The following CFAP47 variants were observed in gnomAD, a reference collection of about 807,000 sequenced individuals.
The protein encoded by CFAP47 is cilia and flagella associated protein 47, also known as cilia- and flagella-associated protein 47.
A neutral mutation model predicts 148.1 loss-of-function variants in CFAP47; 29 were observed. The observed-to-expected ratio is 0.20, with a 90% CI of 0.15 to 0.27. The LOEUF (loss-of-function observed/expected upper bound fraction) is 0.27. Ranked by LOEUF, CFAP47 falls within the 10% of genes least tolerant of loss-of-function variation. CFAP47 has a pLI of 1.00. For missense variants in CFAP47, 1,872 were observed against 1,697.5 expected, an observed-to-expected ratio of 1.10 and a Z score of -1.81; for synonymous variants, 664 against 577.3, an observed-to-expected ratio of 1.15 and a Z score of -2.15.
intron 1 of CFAP47, 75 bp downstream of exon 1, chrX:35,920,123 G>A: frequency 1.9e-6 from 2 of 1,066,596 alleles, no homozygotes; most frequent in South Asian, 5.5e-5. Context: ...TTTGCCCCAG[G>A]GAGTAGTCAT....
At chrX:36,345,722 T>G (rs1224131580) in intron 57 of CFAP47, among the ~76,000 whole-genome samples, 2 of 112,126 alleles carry the variant, frequency 1.8e-5, no homozygotes, top group Non-Finnish European at 3.8e-5. Context: ...TTATGCTGGT[T>G]TTCTGAGAAT....
intron 58 of CFAP47, among the ~76,000 whole-genome samples, chrX:36,349,814 A>T (rs1242037416): frequency 9.0e-6 from 1 of 111,355 alleles, no homozygotes; most frequent in Non-Finnish European, 1.9e-5. Context: ...ATATTTCATG[A>T]TGGTTTCATT....
intron 29 of CFAP47, among the ~76,000 whole-genome samples, chrX:36,079,086 C>G (rs966893695): frequency 1.8e-5 from 2 of 111,603 alleles, no homozygotes; most frequent in African/African-American, 6.5e-5. Context: ...GTAACCCGAC[C>G]TTTCTCTCTG....
At chrX:35,931,917 T>C (rs1601882457) in intron 2 of CFAP47, among the ~76,000 whole-genome samples, 1 of 111,194 alleles carries the variant, frequency 9.0e-6, no homozygotes, top group Non-Finnish European at 1.9e-5. Context: ...TGAGGAAAAA[T>C]ATAGCTGATT....
At chrX:36,054,060 A>G (rs1269204701) in intron 26 of CFAP47, among the ~76,000 whole-genome samples, 4 of 112,222 alleles carry the variant, frequency 3.6e-5, no homozygotes, top group Non-Finnish European at 7.5e-5. Flanking sequence ...GGAAATTCCA[A>G]TGTCTTGTCC....
At position 35,955,977 on chromosome X, in the gene CFAP47, A is replaced by C. The variant is rs1936239296; in HGVS notation, c.1191A>C (p.Lys397Asn). 8.3e-7 allele frequency: 1 copy of C among 1,209,199 alleles called. No individual in the cohort carries two copies. The highest frequency in any genetic ancestry group is 2.2e-5 in the Admixed American group (1 of 45,639). The stretch of plus-strand genomic sequence containing the variant: ...CTTTTACAGGTGAACGATTTCAGAA[A>C]GTGGAATTAGCACTGACAGGCACAG... ...YKTIKSERFQ[K>N]VELALTGTGL... Residue 397 changes from lysine to asparagine, a missense_variant, in exon 8 of 64, where the codon AAA becomes AAC. By Grantham distance (94) the Lys-to-Asn change is moderately conservative (BLOSUM62 0). Transcript: ENST00000378653.
intron 45 of CFAP47, among the ~76,000 whole-genome samples, chrX:36,226,981 T>A (rs946172597): frequency 6.3e-5 from 7 of 111,448 alleles, no homozygotes; most frequent in Admixed American, 9.6e-5. Flanking sequence ...AAATTACATA[T>A]TCTAAATATT....
chrX:35,991,602 A>G (rs1353338523), intron 16 of CFAP47, among the ~76,000 whole-genome samples: 3 of 110,323 alleles, frequency 2.7e-5, no homozygotes, highest in Non-Finnish European at 5.7e-5. Context: ...TTTTCATCAA[A>G]ACTAGCATAT....
chrX:36,243,230 A>T (rs1940567920), intron 48 of CFAP47, among the ~76,000 whole-genome samples: 1 of 111,244 alleles, frequency 9.0e-6, no homozygotes, highest in East Asian at 2.8e-4. Context: ...ACAAAAACAC[A>T]CTTAAGCACA....
At chrX:36,159,394 A>C (rs1299900891) in intron 37 of CFAP47, 32 bp from the exon 38 acceptor site, 1 of 294,833 alleles carries the variant, frequency 3.4e-6, no homozygotes, top group Non-Finnish European at 5.9e-6. Context: ...TTTTTTGTTA[A>C]AACGTTTTCT....
rs371891357 is a variant in CFAP47 at position 36,190,055 on chromosome X, T to C, written c.6180T>C (p.Ile2060=). 3.4e-6 allele frequency: 1 copy of C among 296,682 alleles called. No individual in the cohort carries two copies. Among genetic ancestry groups the C allele is most frequent in the East Asian group, 4.8e-5 (1 of 20,997 alleles). The allele number at this position is 296,682 out of a possible 1,213,427, so 24.4% of individuals were successfully genotyped here. The change falls in exon 42 of 64, where the codon ATT becomes ATC. Residue 2060 remains isoleucine, a synonymous_variant. Transcript: ENST00000378653. ...SDSPNVLHTS[I]KSTFIREFFC... is the part of the protein sequence containing the mutation. The stretch of plus-strand genomic sequence containing the variant: ...GCTCTGTTTATGTTTTGCTAGCAAT[T>C]AAGTCCACTTTTATCAGAGAGTTCT...
chrX:36,031,523 T>A (rs986462811), intron 23 of CFAP47, among the ~76,000 whole-genome samples, 176 bp downstream of exon 23: 6 of 110,449 alleles, frequency 5.4e-5, no homozygotes, highest in Non-Finnish European at 1.1e-4. Flanking sequence ...AACTTACAGA[T>A]AAAATTTCTC....
intron 62 of CFAP47, among the ~76,000 whole-genome samples, chrX:36,371,774 A>G (rs1284212033): frequency 1.2e-4 from 6 of 51,059 alleles, no homozygotes; most frequent in African/African-American, 2.4e-4. Context: ...GTATATACAC[A>G]CATGTGTATA....
At chrX:35,972,165 G>A (rs908536885) in intron 13 of CFAP47, among the ~76,000 whole-genome samples, 200 bp downstream of exon 13, 2 of 111,536 alleles carry the variant, frequency 1.8e-5, no homozygotes, top group Non-Finnish European at 3.8e-5. Flanking sequence ...AACCACCTTC[G>A]CAATTTAATT....
At chrX:36,252,955 C>T (rs1343385403) in intron 49 of CFAP47, among the ~76,000 whole-genome samples, 1 of 112,148 alleles carries the variant, frequency 8.9e-6, no homozygotes, top group Admixed American at 9.5e-5. Flanking sequence ...CACAAAGCCC[C>T]TGGTCTGTGA....
At position 35,951,301 on chromosome X, in the gene CFAP47, G is replaced by T; in HGVS notation, c.827G>T (p.Ser276Ile). The T allele has an allele frequency of 2.5e-6, 3 of 1,210,264 alleles. No individual in the cohort carries two copies. In the South Asian group the frequency reaches 5.3e-5, roughly 21 times the overall value. Residue 276 changes from serine to isoleucine, a missense_variant, in exon 5 of 64, where the codon AGC becomes ATC. Ser to Ile is a moderately radical substitution (Grantham distance 142). Coordinates refer to ENST00000378653, the MANE Select transcript of CFAP47 (RefSeq NM_001304548.2). ...AAACATGCACGTGTATACAATAATA[G>T]CCCAGAGCCCATAAATTGGGTGGCC... Reference protein sequence around the residue: ...KIKHARVYNNSPEPINWVAII... With the variant: ...KIKHARVYNNIPEPINWVAII...
intron 63 of CFAP47, among the ~76,000 whole-genome samples, chrX:36,383,706 T>G (rs1160139912): frequency 9.0e-6 from 1 of 111,318 alleles, no homozygotes; most frequent in Non-Finnish European, 1.9e-5. Flanking sequence ...AATACATTCT[T>G]GTATTGTTGT....
intron 39 of CFAP47, among the ~76,000 whole-genome samples, chrX:36,167,175 T>C (rs1475907159): frequency 8.9e-6 from 1 of 111,812 alleles, no homozygotes; most frequent in Non-Finnish European, 1.9e-5. Flanking sequence ...CATCCAATTG[T>C]ATTTCACCAT....
Position 36,348,294 on chromosome X carries a change from A to G in CFAP47, c.8603+6A>G. 1 of 959,196 alleles carries G rather than the reference A, an allele frequency of 1.0e-6. No homozygotes were observed. The highest frequency in any genetic ancestry group is 1.3e-6 in the Non-Finnish European group (1 of 743,927). The allele number at this position is 959,196 out of a possible 1,213,427, so 79.0% of individuals were successfully genotyped here. A position where few individuals can be genotyped will look rare whatever the true frequency, so the allele number is the denominator to read the frequency against. ...TTGGATATAAAATTTAAAAGGTAAC[A>G]TTTAAATAAAGACATTGAAGGAAAA... On this transcript the variant is annotated splice_donor_region_variant and intron_variant, in intron 58 of 63. Transcript: ENST00000378653.
Sources: gnomAD v4.1 joint callset for allele counts (sites outside exome capture counted in the v4.1 genomes callset) on GRCh38, gnomAD v4.1.1 for gene constraint, MANE v1.5 for transcripts, NCBI Gene and HGNC (gene_info 2026-07-23, HGNC 2026-07-21) for gene names.